The following ANKRD55 variants were observed in gnomAD, a reference collection of about 807,000 sequenced individuals.
The protein encoded by ANKRD55 is ankyrin repeat domain-containing protein 55.
ANKRD55 carries 41 observed loss-of-function variants against 60.6 expected under a neutral mutation model. That is an observed-to-expected ratio of 0.68 (90% CI 0.53 to 0.88). The LOEUF (loss-of-function observed/expected upper bound fraction) is 0.88. Among genes scored for constraint, ANKRD55 ranks in the 40% least tolerant of loss-of-function variants. The pLI, the probability that ANKRD55 is intolerant of heterozygous loss-of-function variation, is 0.00. For missense variants in ANKRD55, 732 were observed against 767.6 expected, an observed-to-expected ratio of 0.95 and a Z score of 0.55; for synonymous variants, 264 against 290.3, an observed-to-expected ratio of 0.91 and a Z score of 0.92.
At chr5:56,167,071 C>T (rs1302250390) in intron 5 of ANKRD55, among the ~76,000 whole-genome samples, 1 of 152,168 alleles carries the variant, frequency 6.6e-6, no homozygotes, top group Non-Finnish European at 1.5e-5. Flanking sequence ...AATGTAATTC[C>T]ATAGGGAATC....
chr5:56,176,138 G>A lies in ANKRD55; in HGVS notation c.312+14C>T. ...CCCTGCTCCTTCCACCCTGTGACAGGCACAAGTCAGTACCAGGTAGGTGGC... is the reference window on the plus strand; with the variant it reads ...CCCTGCTCCTTCCACCCTGTGACAGACACAAGTCAGTACCAGGTAGGTGGC... On this transcript the variant is annotated intron_variant, in intron 4 of 11. Coordinates refer to ENST00000341048, the MANE Select transcript of ANKRD55 (RefSeq NM_024669.3). The A allele has an allele frequency of 6.2e-7, 1 of 1,613,952 alleles. No homozygotes were observed. The highest frequency in any genetic ancestry group is 8.5e-7 in the Non-Finnish European group (1 of 1,179,938).
At chr5:56,152,118 A>ATT (rs57126840) in intron 6 of ANKRD55, among the ~76,000 whole-genome samples, 17 of 89,902 alleles carry the variant, frequency 1.9e-4, no homozygotes, top group African/African-American at 3.7e-4. Flanking sequence ...ACCCTACTCC[A>ATT]TTTTTTTTTT....
intron 2 of ANKRD55, among the ~76,000 whole-genome samples, chr5:56,184,517 G>C (rs1400103020): frequency 6.6e-6 from 1 of 152,204 alleles, no homozygotes; most frequent in Non-Finnish European, 1.5e-5. Flanking sequence ...ATTCCCAGAA[G>C]AAACAGAACT....
At chr5:56,153,694 G>C (rs138691603) in intron 6 of ANKRD55, among the ~76,000 whole-genome samples, 2,525 of 151,808 alleles carry the variant, frequency 0.017, 75 homozygotes, top group African/African-American at 0.057. Context: ...AAAATTAGCT[G>C]GGCGTGGTGG....
chr5:56,220,830 A>G (rs1759941915), intron 2 of ANKRD55, among the ~76,000 whole-genome samples: 1 of 152,106 alleles, frequency 6.6e-6, no homozygotes, highest in Non-Finnish European at 1.5e-5. Context: ...AAAACAAAAC[A>G]AAACAAAAAA....
chr5:56,213,496 G>A (rs545206928), intron 2 of ANKRD55, among the ~76,000 whole-genome samples: 1 of 151,156 alleles, frequency 6.6e-6, no homozygotes, highest in South Asian at 2.1e-4. Flanking sequence ...ACAAAAAGTA[G>A]GTAAGAATAT....
chr5:56,107,010 TAAAA>T (rs371808077), intron 10 of ANKRD55, among the ~76,000 whole-genome samples: 3 of 114,572 alleles, frequency 2.6e-5, no homozygotes, highest in Non-Finnish European at 5.5e-5. Flanking sequence ...TATCTCTCTC[TAAAA>T]AAAAAAAAAA....
intron 10 of ANKRD55, among the ~76,000 whole-genome samples, chr5:56,102,982 T>C (rs986230412): frequency 3.3e-5 from 5 of 152,174 alleles, no homozygotes; most frequent in African/African-American, 1.2e-4. Flanking sequence ...AGTTTCTCAG[T>C]CCTGGCTGCA....
chr5:56,221,480 G>T (rs993399113), intron 2 of ANKRD55, among the ~76,000 whole-genome samples: 1 of 152,292 alleles, frequency 6.6e-6, no homozygotes, highest in African/African-American at 2.4e-5. Flanking sequence ...TCTCACTGGG[G>T]CTTGTCAGAC....
At chr5:56,136,501 A>G (rs1757601214) in intron 7 of ANKRD55, among the ~76,000 whole-genome samples, 2 of 152,256 alleles carry the variant, frequency 1.3e-5, no homozygotes, top group Non-Finnish European at 1.5e-5. Context: ...ACAATAAAGA[A>G]GAGGTAGTTG....
chr5:56,111,266 C>G lies in ANKRD55; in HGVS notation c.1482G>C (p.Trp494Cys), dbSNP rs1157048591. The change falls in exon 10 of 12, where the codon TGG becomes TGC. Residue 494 changes from tryptophan (W) to cysteine (C), a missense_variant. Physicochemically the swap from Trp to Cys is radical, Grantham distance 215 (BLOSUM62 -2). Transcript: ENST00000341048. ...TGCQMLLDNP[W>C]KSDSNQVFSY... is the part of the protein sequence containing the mutation. ...AAAATACCTGATTAGAATCACTCTTCCAGGGGTTATCTAGTAACATCTGGC... is the reference window on the plus strand; with the variant it reads ...AAAATACCTGATTAGAATCACTCTTGCAGGGGTTATCTAGTAACATCTGGC... 2 of 1,614,170 alleles carry G rather than the reference C, an allele frequency of 1.2e-6. No homozygotes were observed. The highest frequency in any genetic ancestry group is 1.7e-6 in the Non-Finnish European group (2 of 1,180,030).
At chr5:56,224,681 A>G (rs920436134) in intron 2 of ANKRD55, among the ~76,000 whole-genome samples, 1 of 152,322 alleles carries the variant, frequency 6.6e-6, no homozygotes, top group Non-Finnish European at 1.5e-5. Flanking sequence ...GATACAAACT[A>G]CCATCAGAGA....
chr5:56,101,662 C>A (rs558903228), intron 11 of ANKRD55, among the ~76,000 whole-genome samples: 1 of 152,030 alleles, frequency 6.6e-6, no homozygotes, highest in Non-Finnish European at 1.5e-5. Flanking sequence ...CCAGGTAATA[C>A]TTAGGCACAC....
At chr5:56,166,088 T>C (rs192634918) in intron 5 of ANKRD55, among the ~76,000 whole-genome samples, 207 of 15,338 alleles carry the variant, frequency 0.013, no homozygotes, top group African/African-American at 0.038. Context: ...TCTTTTCTTT[T>C]TCTTTCTTTC....
At chr5:56,161,537 T>A (rs113759938) in intron 5 of ANKRD55, among the ~76,000 whole-genome samples, 15 of 152,238 alleles carry the variant, frequency 9.9e-5, no homozygotes, top group African/African-American at 3.6e-4. Context: ...TAGCAGTAAA[T>A]GTAATACACA....
At chr5:56,130,185 G>C (rs369177069) in intron 7 of ANKRD55, among the ~76,000 whole-genome samples, 1 of 152,136 alleles carries the variant, frequency 6.6e-6, no homozygotes, top group African/African-American at 2.4e-5. Context: ...GGGGGAAAAG[G>C]TACCTTTTTT....
Position 56,150,235 on chromosome 5 carries a change from C to T in ANKRD55, c.484-6306G>A, listed in dbSNP as rs778205574. ...GTATAAACAGTACCTGTGACTTTGC[C>T]ACCTCTATAAATTATAGGTACAGTG... On this transcript the variant is annotated intron_variant, in intron 6 of 11. Coordinates refer to ENST00000341048, the MANE Select transcript of ANKRD55 (RefSeq NM_024669.3). Among the ~76,000 whole-genome samples the T allele has an allele frequency of 2.8e-4, 42 of 152,082 alleles. 1 individual carries two copies. The highest frequency in any genetic ancestry group is 1.6e-3 in the Admixed American group (24 of 15,270).
chr5:56,112,511 A>AAAAAAAAAAAAAAACAAAAAAAAAAAAAC, intron 9 of ANKRD55, among the ~76,000 whole-genome samples: 1 of 81,526 alleles, frequency 1.2e-5, no homozygotes, highest in African/African-American at 5.4e-5. Context: ...TAGCAAAAAA[A>AAAAAAAAAAAAAAACAAAAAAAAAAAAAC]AAAAAAAAAA....
intron 9 of ANKRD55, among the ~76,000 whole-genome samples, chr5:56,114,036 T>C (rs1035583686): frequency 6.8e-6 from 1 of 146,350 alleles, no homozygotes; most frequent in African/African-American, 2.5e-5. Context: ...TATATTAAAA[T>C]GAATAAAGTG....
Sources: gnomAD v4.1 joint callset for allele counts (sites outside exome capture counted in the v4.1 genomes callset) on GRCh38, gnomAD v4.1.1 for gene constraint, MANE v1.5 for transcripts, NCBI Gene and HGNC (gene_info 2026-07-23, HGNC 2026-07-21) for gene names.